ULK4: variants seen among roughly 807,000 people sequenced by gnomAD.
ULK4 encodes the protein unc-51 like kinase 4.
In ULK4, 133 loss-of-function variants were observed where a neutral mutation model predicts 160.6. The observed-to-expected ratio is 0.83, with a 90% CI of 0.72 to 0.96. ULK4 has a LOEUF of 0.96. ULK4 is among the 40% of genes least tolerant of loss of function. The pLI is 0.00. For synonymous variants in ULK4, 534 were observed against 539.8 expected (o/e 0.99, Z 0.15); for missense variants, 1,580 against 1,499.5 (o/e 1.05, Z -0.89).
intron 5 of ULK4, among the ~76,000 whole-genome samples, chr3:41,920,630 T>C (rs559839419): frequency 6.6e-6 from 1 of 152,174 alleles, no homozygotes; most frequent in Non-Finnish European, 1.5e-5. Context: ...CTCTCTGCAT[T>C]CCATCTAACT....
At chr3:41,613,837 T>C (rs543909865) in intron 31 of ULK4, among the ~76,000 whole-genome samples, 2 of 152,326 alleles carry the variant, frequency 1.3e-5, no homozygotes, top group South Asian at 2.1e-4. Context: ...AATCTGAGCA[T>C]GGAACTGTTC....
At chr3:41,527,843 C>T (rs1167509461) in intron 32 of ULK4, among the ~76,000 whole-genome samples, 1 of 152,288 alleles carries the variant, frequency 6.6e-6, no homozygotes, top group African/African-American at 2.4e-5. Context: ...TTAAAGAACA[C>T]ATTTTATAAT....
At chr3:41,335,119 C>A (rs2080528239) in intron 35 of ULK4, among the ~76,000 whole-genome samples, 1 of 152,220 alleles carries the variant, frequency 6.6e-6, no homozygotes, top group African/African-American at 2.4e-5. Context: ...TAAAGGCACA[C>A]AATTTCTTCT....
chr3:41,496,674 A>C (rs2085002952), intron 32 of ULK4, among the ~76,000 whole-genome samples: 1 of 152,146 alleles, frequency 6.6e-6, no homozygotes, highest in Admixed American at 6.5e-5. Flanking sequence ...GACTCCAGGA[A>C]GCATGATCGA....
At chr3:41,767,158 G>T (rs2039193212) in intron 21 of ULK4, among the ~76,000 whole-genome samples, 2 of 152,132 alleles carry the variant, frequency 1.3e-5, no homozygotes, top group Admixed American at 1.3e-4. Flanking sequence ...ATGATTTAAA[G>T]ACATCCTTTT....
At chr3:41,731,742 G>A (rs993633755) in intron 22 of ULK4, among the ~76,000 whole-genome samples, 2 of 147,978 alleles carry the variant, frequency 1.4e-5, no homozygotes, top group African/African-American at 4.9e-5. Flanking sequence ...GCACTACAAA[G>A]TTTTGATAAC....
At position 41,812,512 on chromosome 3, in the gene ULK4, C is replaced by T. The variant is rs146268892; in HGVS notation, c.1848+6911G>A. ...AGGTATCCATGATAATATGGAATAACGATTTCAGAGCTGGTGCTGGGATTT... is the reference window on the plus strand; with the variant it reads ...AGGTATCCATGATAATATGGAATAATGATTTCAGAGCTGGTGCTGGGATTT... On this transcript the variant is annotated intron_variant, in intron 19 of 36. Transcript: ENST00000301831. Among the ~76,000 whole-genome samples, 476 of 152,214 alleles carry T rather than the reference C, an allele frequency of 3.1e-3. 1 individual carries two copies. The highest frequency in any genetic ancestry group is 0.011 in the African/African-American group (450 of 41,528).
intron 35 of ULK4, among the ~76,000 whole-genome samples, chr3:41,283,488 T>C (rs984654526): frequency 6.6e-6 from 1 of 152,184 alleles, no homozygotes. Flanking sequence ...TAGGTTCATG[T>C]CCTTTGCAGG....
intron 31 of ULK4, among the ~76,000 whole-genome samples, chr3:41,615,004 T>C (rs889153069): frequency 2.0e-5 from 3 of 152,170 alleles, no homozygotes; most frequent in African/African-American, 7.2e-5. Flanking sequence ...TCTTTGGCAA[T>C]GGGCACTTGC....
Position 41,463,068 on chromosome 3 carries a change from A to T in ULK4, c.3393+19T>A, listed in dbSNP as rs925506358. 6.2e-7 allele frequency: 1 copy of T among 1,610,710 alleles called. No individual in the cohort carries two copies. Among genetic ancestry groups the T allele is most frequent in the Admixed American group, 1.7e-5 (1 of 59,916 alleles). On this transcript the variant is annotated intron_variant, in intron 33 of 36. Transcript: ENST00000301831. The stretch of plus-strand genomic sequence containing the variant: ...AATGGAGTAGGGCTGCTCAAGACAC[A>T]GGAAAACAGATCCTCTACCTGCAAA...
intron 35 of ULK4, among the ~76,000 whole-genome samples, chr3:41,345,044 C>G (rs2080771678): frequency 6.6e-6 from 1 of 152,116 alleles, no homozygotes; most frequent in Non-Finnish European, 1.5e-5. Context: ...CATCACTGAT[C>G]ATTAGAGAAA....
chr3:41,683,026 G>A (rs988370608), intron 27 of ULK4, among the ~76,000 whole-genome samples: 2 of 152,116 alleles, frequency 1.3e-5, no homozygotes, highest in Non-Finnish European at 2.9e-5. Flanking sequence ...CAGTATTTAT[G>A]AGACAGAGTA....
chr3:41,581,730 C>T (rs765185188), intron 31 of ULK4, among the ~76,000 whole-genome samples: 30 of 152,092 alleles, frequency 2.0e-4, no homozygotes, highest in Admixed American at 3.9e-4. Flanking sequence ...GTCAGACAAA[C>T]GCAACAGGCT....
chr3:41,763,054 C>T (rs1301766773), intron 21 of ULK4, among the ~76,000 whole-genome samples: 1 of 152,078 alleles, frequency 6.6e-6, no homozygotes, highest in African/African-American at 2.4e-5. Flanking sequence ...ATGATCCAAT[C>T]GCCTCCCACC....
At chr3:41,525,007 G>C (rs1245694159) in intron 32 of ULK4, among the ~76,000 whole-genome samples, 2 of 152,010 alleles carry the variant, frequency 1.3e-5, no homozygotes, top group African/African-American at 4.8e-5. Context: ...AGATAAAGAC[G>C]GTTAACCAAA....
chr3:41,658,546 C>G (rs2035025140), intron 30 of ULK4, among the ~76,000 whole-genome samples: 1 of 152,050 alleles, frequency 6.6e-6, no homozygotes, highest in African/African-American at 2.4e-5. Flanking sequence ...TAGGAAAGAA[C>G]AAATATTCAC....
chr3:41,679,369 G>T (rs1425996931), intron 29 of ULK4, among the ~76,000 whole-genome samples: 2 of 152,130 alleles, frequency 1.3e-5, no homozygotes, highest in Non-Finnish European at 2.9e-5. Flanking sequence ...GAAAACTAAG[G>T]CTTGGAGACT....
chr3:41,667,425 T>A (rs1391172921), intron 29 of ULK4, among the ~76,000 whole-genome samples: 4 of 152,244 alleles, frequency 2.6e-5, no homozygotes, highest in Non-Finnish European at 5.9e-5. Flanking sequence ...AGGTTTATAA[T>A]GGTCAGCAAG....
At chr3:41,831,995 T>C (rs1209457243) in intron 18 of ULK4, among the ~76,000 whole-genome samples, 1 of 152,114 alleles carries the variant, frequency 6.6e-6, no homozygotes, top group African/African-American at 2.4e-5. Flanking sequence ...TTGTAAATAG[T>C]GCTGCAATAA....
Sources: allele counts gnomAD v4.1 joint callset (sites outside exome capture counted in the v4.1 genomes callset), GRCh38; gene constraint gnomAD v4.1.1; transcripts MANE v1.5; gene names NCBI Gene and HGNC (gene_info 2026-07-23, HGNC 2026-07-21).